Variants in EVA1C observed in about 807,000 individuals in gnomAD.
The protein encoded by EVA1C is protein eva-1 homolog C.
A neutral mutation model predicts 45.4 loss-of-function variants in EVA1C; 25 were observed. That is an observed-to-expected ratio of 0.55 (90% CI 0.40 to 0.77). EVA1C has a LOEUF of 0.77. Among genes scored for constraint, EVA1C ranks in the 30% least tolerant of loss-of-function variants. The pLI is 0.00. For missense variants in EVA1C, 479 were observed against 554.8 expected (o/e 0.86, Z 1.37); for synonymous variants, 190 against 221.2 (o/e 0.86, Z 1.25).
intron 4 of EVA1C, among the ~76,000 whole-genome samples, chr21:32,483,361 G>A (rs564360503): frequency 6.9e-5 from 10 of 145,898 alleles, no homozygotes; most frequent in Non-Finnish European, 1.1e-4. Context: ...CAGACTTGAC[G>A]TTTCTGGCAT....
intron 4 of EVA1C, among the ~76,000 whole-genome samples, chr21:32,480,791 C>T (rs968330575): frequency 5.9e-5 from 9 of 151,978 alleles, no homozygotes; most frequent in Admixed American, 5.2e-4. Flanking sequence ...GGTGAAACCT[C>T]GTCTCTACTA....
At chr21:32,475,879 TTATCTATCTATCTATCTATCTATC>T (rs10661334) in intron 4 of EVA1C, among the ~76,000 whole-genome samples, 5 of 100,484 alleles carry the variant, frequency 5.0e-5, no homozygotes, top group Non-Finnish European at 1.0e-4. Flanking sequence ...TCTAAAAACT[TTATCTATCTATCTATCTATCTATC>T]TATCTATCTA....
chr21:32,483,554 G>A (rs1256611020), intron 4 of EVA1C, among the ~76,000 whole-genome samples: 1 of 152,152 alleles, frequency 6.6e-6, no homozygotes, highest in Non-Finnish European at 1.5e-5. Flanking sequence ...CCTAGTGAGT[G>A]GCTGGGAAGA....
Position 32,412,908 on chromosome 21 carries a change from C to A in EVA1C, c.55C>A (p.Pro19Thr), listed in dbSNP as rs1357763230. The A allele has an allele frequency of 6.6e-7, 1 of 1,519,902 alleles. No individual in the cohort carries two copies. Among genetic ancestry groups the A allele is most frequent in the South Asian group, 1.2e-5 (1 of 81,424 alleles). The allele number at this position is 1,519,902 out of a possible 1,614,324, so 94.2% of individuals were successfully genotyped here. A position where few individuals can be genotyped will look rare whatever the true frequency, so the allele number is the denominator to read the frequency against. Reference sequence around the variant, plus strand: ...GCCGACGCCCCAGCCCGTGCAGCATCCCGGCCTCCGCCGGCAGGTAGAGCC... The same window carrying A: ...GCCGACGCCCCAGCCCGTGCAGCATACCGGCCTCCGCCGGCAGGTAGAGCC... ...QPPTPQPVQH[P>T]GLRRQVEPPG... Residue 19 changes from proline to threonine, a missense_variant, in exon 1 of 8, where the codon CCC (proline) becomes ACC (threonine). This residue lies in a region of EVA1C where 80 missense variants were observed against 63.8 expected (regional missense o/e 1.25). Coordinates refer to ENST00000300255, the MANE Select transcript of EVA1C (RefSeq NM_058187.5).
At chr21:32,496,019 G>C (rs1601419926) in intron 5 of EVA1C, among the ~76,000 whole-genome samples, 1 of 152,280 alleles carries the variant, frequency 6.6e-6, no homozygotes, top group East Asian at 1.9e-4. Flanking sequence ...CAATTCACCT[G>C]TTACAGCATA....
intron 4 of EVA1C, among the ~76,000 whole-genome samples, chr21:32,475,817 T>C (rs1056872278): frequency 2.0e-5 from 3 of 152,110 alleles, no homozygotes; most frequent in Non-Finnish European, 2.9e-5. Context: ...TTCCCGGAAG[T>C]TTTATACCAA....
rs140263203 is a variant in EVA1C, at chr21:32,491,450, C to T, written c.635-3577C>T. ...ACGCCTGTAATCCCAGCACTTTGGG[C>T]GGCCGAGGCGGGTGGATCACCGGGG... On this transcript the variant is annotated intron_variant, in intron 4 of 7. Coordinates refer to ENST00000300255, the MANE Select transcript of EVA1C (RefSeq NM_058187.5). Among the ~76,000 whole-genome samples, 562 of 151,638 alleles carry T rather than the reference C, an allele frequency of 3.7e-3. 1 individual carries two copies. The highest frequency in any genetic ancestry group is 0.012 in the African/African-American group (514 of 41,350).
chr21:32,433,136 A>G (rs2034779019), intron 1 of EVA1C: 1 of 152,190 alleles, frequency 6.6e-6, no homozygotes, highest in Non-Finnish European at 1.5e-5. Context: ...CTGTTTATCT[A>G]TTGCTTATCT....
At chr21:32,507,353 T>G (rs754123132) in intron 7 of EVA1C, among the ~76,000 whole-genome samples, 21 of 152,122 alleles carry the variant, frequency 1.4e-4, no homozygotes, top group Non-Finnish European at 2.1e-4. Context: ...AAAGGAGTGG[T>G]GTGTGTGTGT....
intron 3 of EVA1C, among the ~76,000 whole-genome samples, chr21:32,462,375 C>T (rs890052758): frequency 4.6e-5 from 7 of 152,120 alleles, no homozygotes; most frequent in Non-Finnish European, 1.0e-4. Context: ...ACCTATATGA[C>T]AGGGTGAGAT....
At chr21:32,426,542 A>G (rs1296764212) in intron 1 of EVA1C, among the ~76,000 whole-genome samples, 1 of 151,358 alleles carries the variant, frequency 6.6e-6, no homozygotes, top group Non-Finnish European at 1.5e-5. Context: ...GCCTCCATGC[A>G]CTCACATACA....
At chr21:32,498,217 C>T (rs1203153610) in intron 5 of EVA1C, among the ~76,000 whole-genome samples, 4 of 152,108 alleles carry the variant, frequency 2.6e-5, no homozygotes, top group East Asian at 1.9e-4. Context: ...GAGGCCGAGG[C>T]GGGCGCATCA....
chr21:32,500,190 ATTTTTTTTTTTTT>A (rs538897939), intron 5 of EVA1C, among the ~76,000 whole-genome samples: 1 of 91,102 alleles, frequency 1.1e-5, no homozygotes. Flanking sequence ...TAACCACCCT[ATTTTTTTTTTTTT>A]TTTTTTTTTT....
At chr21:32,513,332 A>G (rs1311877077) in intron 7 of EVA1C, among the ~76,000 whole-genome samples, 1 of 146,480 alleles carries the variant, frequency 6.8e-6, no homozygotes, top group African/African-American at 2.5e-5. Flanking sequence ...GCCCGCCACC[A>G]CACCCGGCTA....
intron 7 of EVA1C, among the ~76,000 whole-genome samples, chr21:32,510,222 T>G (rs1207965558): frequency 1.3e-5 from 2 of 151,856 alleles, no homozygotes; most frequent in Non-Finnish European, 2.9e-5. Flanking sequence ...CTAATTTTAA[T>G]TTTTGTATTT....
chr21:32,506,333 GC>G (rs1287843894), intron 7 of EVA1C, among the ~76,000 whole-genome samples: 3 of 149,542 alleles, frequency 2.0e-5, no homozygotes, highest in Non-Finnish European at 3.0e-5. Context: ...GGGCTTATGA[GC>G]TTTTTCCTGT....
intron 1 of EVA1C, among the ~76,000 whole-genome samples, chr21:32,442,686 TG>T (rs1447316660): frequency 7.9e-6 from 1 of 126,264 alleles, no homozygotes; most frequent in Non-Finnish European, 1.7e-5. Context: ...AAAAAGCGGG[TG>T]GGAGGGAAGG....
At chr21:32,504,601 C>T (rs551171660) in intron 7 of EVA1C, among the ~76,000 whole-genome samples, 3 of 152,330 alleles carry the variant, frequency 2.0e-5, no homozygotes, top group Admixed American at 1.3e-4. Flanking sequence ...AATTTTTCCT[C>T]ACCACCCTCT....
At chr21:32,469,660 C>T (rs1306845256) in intron 4 of EVA1C, among the ~76,000 whole-genome samples, 1 of 152,162 alleles carries the variant, frequency 6.6e-6, no homozygotes, top group Non-Finnish European at 1.5e-5. Context: ...TAAGGCAGGC[C>T]GGCAGGCTGG....
Sources: allele counts gnomAD v4.1 joint callset (sites outside exome capture counted in the v4.1 genomes callset), GRCh38; gene constraint gnomAD v4.1.1; regional missense constraint gnomAD v4.1.1; transcripts MANE v1.5; gene names NCBI Gene and HGNC (gene_info 2026-07-23, HGNC 2026-07-21).